The following TRMT9B variants were observed in gnomAD, a reference collection of about 807,000 sequenced individuals.
The protein encoded by TRMT9B is probable tRNA methyltransferase 9B.
TRMT9B carries 16 observed loss-of-function variants against 11.5 expected under a neutral mutation model. That is an observed-to-expected ratio of 1.39 (90% CI 0.94 to 2.11). The LOEUF is 2.11. Among genes scored for constraint, TRMT9B ranks in the 30% most tolerant of loss-of-function variants. TRMT9B has a pLI of 0.00. For missense variants in TRMT9B, 941 were observed against 553.8 expected (o/e 1.70, Z -7.02); for synonymous variants, 274 against 192.4 (o/e 1.42, Z -3.51).
At chr8:13,014,597 A>G (rs1247005990) in intron 4 of TRMT9B, among the ~76,000 whole-genome samples, 1 of 152,076 alleles carries the variant, frequency 6.6e-6, no homozygotes, top group Non-Finnish European at 1.5e-5. Flanking sequence ...GCCTCCTAAT[A>G]CCTTCATACT....
At chr8:13,013,719 G>A (rs1460152823) in intron 4 of TRMT9B, among the ~76,000 whole-genome samples, 7 of 152,152 alleles carry the variant, frequency 4.6e-5, no homozygotes, top group Middle Eastern at 3.2e-3. Flanking sequence ...TTGGGAGGCC[G>A]AAGTGGGTGT....
intron 4 of TRMT9B, among the ~76,000 whole-genome samples, chr8:13,018,638 G>A (rs1365773074): frequency 6.6e-6 from 1 of 152,088 alleles, no homozygotes; most frequent in Non-Finnish European, 1.5e-5. Flanking sequence ...AATCCCAAGA[G>A]GCATACAGCG....
intron 3 of TRMT9B, among the ~76,000 whole-genome samples, chr8:13,009,161 A>G (rs1188074113): frequency 6.6e-6 from 1 of 152,194 alleles, no homozygotes; most frequent in Non-Finnish European, 1.5e-5. Context: ...CAGAAAGACA[A>G]ATACCCAGTG....
At chr8:13,002,706 T>G (rs1002772386) in intron 2 of TRMT9B, among the ~76,000 whole-genome samples, 1 of 152,142 alleles carries the variant, frequency 6.6e-6, no homozygotes, top group African/African-American at 2.4e-5. Context: ...GTAGTAATAA[T>G]TGGGGCAAGA....
chr8:13,015,383 A>G (rs1414646558), intron 4 of TRMT9B, among the ~76,000 whole-genome samples: 1 of 151,954 alleles, frequency 6.6e-6, no homozygotes, highest in Non-Finnish European at 1.5e-5. Flanking sequence ...AGTGAGACCA[A>G]TTTTTTTATT....
chr8:12,959,607 C>A (rs28396373), intron 1 of TRMT9B, among the ~76,000 whole-genome samples: 1 of 143,784 alleles, frequency 7.0e-6, no homozygotes, highest in Admixed American at 7.4e-5. Context: ...GGAACCTCAA[C>A]CTCCTGGGCT....
In TRMT9B at chr8:13,021,076, C is replaced by A. The variant is rs561089793; in HGVS notation, c.397C>A (p.Pro133Thr). The A allele has an allele frequency of 6.2e-7, 1 of 1,604,116 alleles. No individual in the cohort carries two copies. The highest frequency in any genetic ancestry group is 1.7e-5 in the Admixed American group (1 of 57,930). The change falls in exon 5 of 5, where the codon CCC becomes ACC. Residue 133 changes from proline (P) to threonine (T), a missense_variant. Coordinates refer to ENST00000524591, the MANE Select transcript of TRMT9B (RefSeq NM_020844.3). ...AAAAGAAATGGCCAGGGTCTTAGTT[C>A]CCGGAGGCCAACTGATGATTTACGT... Reference protein sequence around the residue: ...AIKEMARVLVPGGQLMIYVWA... With the variant: ...AIKEMARVLVTGGQLMIYVWA...
intron 3 of TRMT9B, chr8:13,010,795 T>G: frequency 1.0e-6 from 1 of 982,920 alleles, no homozygotes; most frequent in Non-Finnish European, 1.2e-6. Context: ...AGGACCATCG[T>G]CTTTTGAAAT....
chr8:12,950,421 T>C (rs1312808212), intron 1 of TRMT9B, among the ~76,000 whole-genome samples: 1 of 152,240 alleles, frequency 6.6e-6, no homozygotes, highest in East Asian at 1.9e-4. Context: ...CCAATACGTC[T>C]TCTGTGTCCG....
chr8:13,025,662 C>T lies in TRMT9B; in HGVS notation c.*3618C>T, dbSNP rs1814606171. On this transcript the variant is annotated 3_prime_UTR_variant, in exon 5 of 5. Coordinates refer to ENST00000524591, the MANE Select transcript of TRMT9B (RefSeq NM_020844.3). ...AATGTTATAGTGAGAATCATTCAAG[C>T]ACCTATTTAAATTTTTTCCAATTGC... 1 of 167,040 alleles carries T rather than the reference C, an allele frequency of 6.0e-6. No homozygotes were observed. Among genetic ancestry groups the T allele is most frequent in the Non-Finnish European group, 1.5e-5 (1 of 68,120 alleles). The allele number at this position is 167,040 out of a possible 1,614,324, so 10.3% of individuals were successfully genotyped here. A position where few individuals can be genotyped will look rare whatever the true frequency, so the allele number is the denominator to read the frequency against.
chr8:12,976,724 G>A (rs1166435740), intron 1 of TRMT9B, among the ~76,000 whole-genome samples: 1 of 152,176 alleles, frequency 6.6e-6, no homozygotes, highest in Non-Finnish European at 1.5e-5. Flanking sequence ...AACTAACCAG[G>A]GATGGCAAAG....
chr8:12,961,569 T>G (rs1002533088), intron 1 of TRMT9B, among the ~76,000 whole-genome samples: 3 of 151,158 alleles, frequency 2.0e-5, no homozygotes, highest in Non-Finnish European at 4.4e-5. Context: ...GGCGTGGTGG[T>G]GGGCGCCTGT....
chr8:13,002,073 A>T (rs1212846376), intron 2 of TRMT9B, among the ~76,000 whole-genome samples: 1 of 152,250 alleles, frequency 6.6e-6, no homozygotes. Context: ...AATATCAGAA[A>T]AACAAAATAG....
In TRMT9B at chr8:13,023,622, T is replaced by A. The variant is rs1814286521; in HGVS notation, c.*1578T>A. 6.0e-6 allele frequency: 1 copy of A among 167,194 alleles called. No homozygotes were observed. Among genetic ancestry groups the A allele is most frequent in the African/African-American group, 2.4e-5 (1 of 41,580 alleles). The allele number at this position is 167,194 out of a possible 1,614,324, so 10.4% of individuals were successfully genotyped here. Reference sequence around the variant, plus strand: ...GAAATAAGTTGACCCAGGAGTACAGTCTCAAGTAGTTCATTAATGAGAAAA... The same window carrying A: ...GAAATAAGTTGACCCAGGAGTACAGACTCAAGTAGTTCATTAATGAGAAAA... On this transcript the variant is annotated 3_prime_UTR_variant, in exon 5 of 5. Coordinates refer to ENST00000524591, the MANE Select transcript of TRMT9B (RefSeq NM_020844.3).
rs116976198 is a variant in TRMT9B, at chr8:13,028,537, A to C, written c.*6493A>C. On this transcript the variant is annotated 3_prime_UTR_variant, in exon 5 of 5. Transcript: ENST00000524591. Reference sequence around the variant, plus strand: ...TTATATTTACATTCCCTTAGCAAGAATTTGGCTAAGTGATAAGCACTTTTC... The same window carrying C: ...TTATATTTACATTCCCTTAGCAAGACTTTGGCTAAGTGATAAGCACTTTTC... 1 of 162,616 alleles carries C rather than the reference A, an allele frequency of 6.1e-6. No homozygotes were observed. Among genetic ancestry groups the C allele is most frequent in the East Asian group, 2.0e-4 (1 of 5,048 alleles). The allele number at this position is 162,616 out of a possible 1,614,324, so 10.1% of individuals were successfully genotyped here.
At chr8:12,985,983 T>C (rs1247601106) in intron 1 of TRMT9B, among the ~76,000 whole-genome samples, 2 of 152,136 alleles carry the variant, frequency 1.3e-5, no homozygotes, top group East Asian at 3.8e-4. Context: ...TGCCTCAGCC[T>C]CCTGAGCAGC....
chr8:13,018,116 A>AAT (rs1357960601), intron 4 of TRMT9B, among the ~76,000 whole-genome samples: 1 of 150,162 alleles, frequency 6.7e-6, no homozygotes, highest in Non-Finnish European at 1.5e-5. Flanking sequence ...AAAAAAAAAA[A>AAT]CTTGGCCAGG....
chr8:13,016,168 T>TATAA (rs1171992725), intron 4 of TRMT9B, among the ~76,000 whole-genome samples: 2 of 144,740 alleles, frequency 1.4e-5, no homozygotes, highest in African/African-American at 5.0e-5. Flanking sequence ...ATCATATATA[T>TATAA]AAACATATAT....
rs1312660572 is a variant in TRMT9B, at chr8:13,026,925, A to T, written c.*4881A>T. 1 of 167,106 alleles carries T rather than the reference A, an allele frequency of 6.0e-6. No homozygotes were observed. Among genetic ancestry groups the T allele is most frequent in the East Asian group, 1.9e-4 (1 of 5,204 alleles). The allele number at this position is 167,106 out of a possible 1,614,324, so 10.4% of individuals were successfully genotyped here. ...TTACACAGCTAGACAATAATTCAATAGTAGTCTCTTACATATTTTCCCTTT... is the reference window on the plus strand; with the variant it reads ...TTACACAGCTAGACAATAATTCAATTGTAGTCTCTTACATATTTTCCCTTT... On this transcript the variant is annotated 3_prime_UTR_variant, in exon 5 of 5. Coordinates refer to ENST00000524591, the MANE Select transcript of TRMT9B (RefSeq NM_020844.3).
Sources: gnomAD v4.1 joint callset for allele counts (sites outside exome capture counted in the v4.1 genomes callset) on GRCh38, gnomAD v4.1.1 for gene constraint, MANE v1.5 for transcripts, NCBI Gene and HGNC (gene_info 2026-07-23, HGNC 2026-07-21) for gene names.